Variants in MICAL3 observed in about 807,000 individuals in gnomAD.
MICAL3 encodes [F-actin]-monooxygenase MICAL3.
Under a neutral mutation model 207.4 loss-of-function variants are expected in MICAL3, and 62 were observed. The ratio of observed to expected loss-of-function variants is 0.30; its 90% CI spans 0.24 to 0.37. The LOEUF (loss-of-function observed/expected upper bound fraction) is 0.37. Ranked by LOEUF, MICAL3 falls within the 10% of genes least tolerant of loss-of-function variation. The probability of loss-of-function intolerance (pLI) is 1.00; values close to 1 mark genes in which losing one functional copy is unlikely to be tolerated. For missense variants in MICAL3, 2,368 were observed against 2,635.6 expected (o/e 0.90, Z 2.22); for synonymous variants, 1,077 against 1,069.3 (o/e 1.01, Z -0.14).
intron 19 of MICAL3, among the ~76,000 whole-genome samples, chr22:17,844,867 C>T (rs758159033): frequency 2.7e-4 from 41 of 152,250 alleles, no homozygotes; most frequent in African/African-American, 7.0e-4. Flanking sequence ...CTGATAGATC[C>T]GGCCTCAAGT....
intron 1 of MICAL3, among the ~76,000 whole-genome samples, chr22:17,947,992 A>C (rs2146351295): frequency 6.6e-6 from 1 of 152,106 alleles, no homozygotes; most frequent in Non-Finnish European, 1.5e-5. Context: ...AAACCCACAA[A>C]ACTGCCAGTA....
At chr22:17,916,055 CAAAA>C (rs755146574) in intron 1 of MICAL3, among the ~76,000 whole-genome samples, 946 of 57,716 alleles carry the variant, frequency 0.016, 10 homozygotes, top group African/African-American at 0.047. Flanking sequence ...GATCCAGTCT[CAAAA>C]AAAAAAAAAA....
chr22:17,817,969 C>T lies in MICAL3; in HGVS notation c.4692G>A (p.Glu1564=). The change falls in exon 26 of 32, where the codon GAG becomes GAA. Residue 1564 remains glutamate (E), a synonymous_variant. Transcript: ENST00000441493. ...CCTCCAGAGCAGGCAGCCTCCCGTT[C>T]TCCTTGGCCAGGGGCGGGTGGCGAG... ...EKPRHPPLAK[E]NGRLPALEGT... 1 of 1,612,580 alleles carries T rather than the reference C, an allele frequency of 6.2e-7. No individual in the cohort carries two copies. Among genetic ancestry groups the T allele is most frequent in the Non-Finnish European group, 8.5e-7 (1 of 1,179,790 alleles).
At chr22:17,938,618 T>A (rs1348995735) in intron 1 of MICAL3, among the ~76,000 whole-genome samples, 3 of 152,220 alleles carry the variant, frequency 2.0e-5, no homozygotes, top group East Asian at 3.9e-4. Flanking sequence ...CAGATTTGGG[T>A]GTTGAAATGA....
intron 19 of MICAL3, chr22:17,860,851 C>G: frequency 1.0e-6 from 1 of 985,412 alleles, no homozygotes; most frequent in Non-Finnish European, 1.2e-6. Context: ...GAGTACGGCT[C>G]CCCAGTGTGA....
chr22:17,961,628 C>A (rs538994836), intron 1 of MICAL3, among the ~76,000 whole-genome samples: 1 of 152,326 alleles, frequency 6.6e-6, no homozygotes, highest in East Asian at 1.9e-4. Context: ...GTCCCCTTCC[C>A]ACACACACTC....
At chr22:18,008,495 G>C (rs1334364320) in intron 1 of MICAL3, among the ~76,000 whole-genome samples, 1 of 152,178 alleles carries the variant, frequency 6.6e-6, no homozygotes, top group Non-Finnish European at 1.5e-5. Flanking sequence ...AGAACAAATT[G>C]ATTCCTGGGC....
intron 2 of MICAL3, 31 bp downstream of exon 2, chr22:17,906,518 G>A: frequency 6.2e-7 from 1 of 1,612,836 alleles, no homozygotes; most frequent in Non-Finnish European, 8.5e-7. Context: ...TCTCGTCAGT[G>A]ACCCCAGGGC....
At chr22:17,792,193 C>T (rs1185247684) in intron 29 of MICAL3, among the ~76,000 whole-genome samples, 2 of 152,220 alleles carry the variant, frequency 1.3e-5, no homozygotes, top group Non-Finnish European at 2.9e-5. Flanking sequence ...CCTTGGAGCA[C>T]AGAAGTTCAT....
At position 17,999,823 on chromosome 22, in the gene MICAL3, TAACTC is replaced by T. The variant is rs567468144; in HGVS notation, c.-75+24453_-75+24457del. ...CATGTCTTTCCTATAATTATGAAATTAACTCAAGCTGTTGAATACACTATAAAAGA... is the reference window on the plus strand; with the variant it reads ...CATGTCTTTCCTATAATTATGAAATTAAGCTGTTGAATACACTATAAAAGA... On this transcript the variant is annotated intron_variant, in intron 1 of 31. Coordinates refer to ENST00000441493, the MANE Select transcript of MICAL3 (RefSeq NM_015241.3). Among the ~76,000 whole-genome samples, 330 of 152,318 alleles carry T rather than the reference TAACTC, an allele frequency of 2.2e-3. 2 individuals are homozygous for T. The highest frequency in any genetic ancestry group is 2.8e-3 in the Non-Finnish European group (189 of 68,024).
chr22:17,818,794 T>A lies in MICAL3; in HGVS notation c.3867A>T (p.Thr1289=). The A allele has an allele frequency of 1.3e-6, 2 of 1,571,488 alleles. No individual in the cohort carries two copies. Among genetic ancestry groups the A allele is most frequent in the Non-Finnish European group, 1.7e-6 (2 of 1,155,084 alleles). The change falls in exon 26 of 32, where the codon ACA becomes ACT. Residue 1289 remains threonine, a synonymous_variant. Transcript: ENST00000441493. The stretch of plus-strand genomic sequence containing the variant: ...CAGGGAGAGGGGCCAGTGGGGTGGA[T>A]GTTTTGGCCGGGGCAGGCTGGAAGC... ...PIRFQPAPAK[T]STPLAPLPVQ...
chr22:17,938,868 C>T (rs944167189), intron 1 of MICAL3, among the ~76,000 whole-genome samples: 3 of 152,196 alleles, frequency 2.0e-5, no homozygotes, highest in African/African-American at 7.2e-5. Flanking sequence ...AGCTCATGAT[C>T]TGCGTGAGTC....
intron 9 of MICAL3, 50 bp downstream of exon 9, chr22:17,896,196 C>A (rs755691294): frequency 3.8e-6 from 4 of 1,043,228 alleles, no homozygotes; most frequent in South Asian, 2.7e-5. Flanking sequence ...GTAAACCACT[C>A]CTTCTTCCCA....
At chr22:17,915,070 T>C (rs560073148) in intron 1 of MICAL3, among the ~76,000 whole-genome samples, 7 of 151,724 alleles carry the variant, frequency 4.6e-5, no homozygotes, top group South Asian at 4.3e-4. Flanking sequence ...GAAAGCCTCA[T>C]TGAGGATGTG....
chr22:18,020,707 G>A (rs1304614103), intron 1 of MICAL3, among the ~76,000 whole-genome samples: 7 of 150,680 alleles, frequency 4.6e-5, no homozygotes, highest in Non-Finnish European at 1.0e-4. Flanking sequence ...ACTTGAGGCA[G>A]GAGTTCGACA....
rs570613525 is a variant in MICAL3, at chr22:18,000,049, A to G, written c.-75+24232T>C. 2.4e-4 allele frequency among the ~76,000 whole-genome samples: 37 copies of G among 152,326 alleles called. 1 individual carries two copies. Among genetic ancestry groups the G allele is most frequent in the Admixed American group, 2.4e-3 (37 of 15,298 alleles). ...CTGGCCTGTGTGCGGCCAGGTAACC[A>G]GAAGGCGGGGCTTTCCCGCAGGCGG... On this transcript the variant is annotated intron_variant, in intron 1 of 31. Coordinates refer to ENST00000441493, the MANE Select transcript of MICAL3 (RefSeq NM_015241.3).
intron 16 of MICAL3, among the ~76,000 whole-genome samples, chr22:17,880,528 G>A (rs1022774792): frequency 1.3e-5 from 2 of 152,226 alleles, no homozygotes; most frequent in Admixed American, 6.5e-5. Context: ...GCCACCCTAG[G>A]TGGGAAAATG....
chr22:17,792,249 C>T (rs2061831878), intron 29 of MICAL3, among the ~76,000 whole-genome samples: 1 of 152,214 alleles, frequency 6.6e-6, no homozygotes, highest in South Asian at 2.1e-4. Flanking sequence ...GTCAGTGGCT[C>T]TTCAATATTT....
intron 20 of MICAL3, chr22:17,834,480 C>T: frequency 7.9e-7 from 1 of 1,272,376 alleles, no homozygotes; most frequent in Non-Finnish European, 1.0e-6. Flanking sequence ...CTGTGGGAGG[C>T]TGAGGTGGGT....
Sources: allele counts gnomAD v4.1 joint callset (sites outside exome capture counted in the v4.1 genomes callset), GRCh38; gene constraint gnomAD v4.1.1; transcripts MANE v1.5; gene names NCBI Gene and HGNC (gene_info 2026-07-23, HGNC 2026-07-21).